The following MAP4K3 variants were observed in gnomAD, a reference collection of about 807,000 sequenced individuals.
MAP4K3 encodes mitogen-activated protein kinase kinase kinase kinase 3.
A neutral mutation model predicts 143.5 loss-of-function variants in MAP4K3; 94 were observed. The ratio of observed to expected loss-of-function variants is 0.65; its 90% CI spans 0.55 to 0.78. The LOEUF (loss-of-function observed/expected upper bound fraction) is 0.78. Among genes scored for constraint, MAP4K3 ranks in the 30% least tolerant of loss-of-function variants. The probability of loss-of-function intolerance (pLI) is 0.00; values close to 1 mark genes in which losing one functional copy is unlikely to be tolerated. For missense variants in MAP4K3, 1,077 were observed against 1,068.1 expected (o/e 1.01, Z -0.12); for synonymous variants, 416 against 347.2 (o/e 1.20, Z -2.20).
rs1435758124 is a variant in MAP4K3, at chr2:39,249,753, C to A, written c.*865G>T. On this transcript the variant is annotated 3_prime_UTR_variant, in exon 34 of 34. Coordinates refer to ENST00000263881, the MANE Select transcript of MAP4K3 (RefSeq NM_003618.4). ...GACTCTTTAATAATGCTAATTAATTCTTTGTGCATACTGTAATTCTGACCA... is the reference window on the plus strand; with the variant it reads ...GACTCTTTAATAATGCTAATTAATTATTTGTGCATACTGTAATTCTGACCA... 2 of 152,622 alleles carry A rather than the reference C, an allele frequency of 1.3e-5. No homozygotes were observed. The allele number at this position is 152,622 out of a possible 1,614,324, so 9.5% of individuals were successfully genotyped here. A position where few individuals can be genotyped will look rare whatever the true frequency, so the allele number is the denominator to read the frequency against.
chr2:39,340,284 G>C (rs1665102914), intron 4 of MAP4K3, among the ~76,000 whole-genome samples: 1 of 152,172 alleles, frequency 6.6e-6, no homozygotes, highest in Admixed American at 6.5e-5. Flanking sequence ...CAACACCATA[G>C]ACTAGCCAAA....
chr2:39,284,286 T>A (rs903215279), intron 21 of MAP4K3, among the ~76,000 whole-genome samples: 5 of 151,962 alleles, frequency 3.3e-5, no homozygotes, highest in Non-Finnish European at 4.4e-5. Context: ...CTCAGCCTCC[T>A]GAGTAGCTGA....
rs1470599966 is a variant in MAP4K3 at position 39,332,051 on chromosome 2, A to G, written c.458-62T>C. 5 of 907,694 alleles carry G rather than the reference A, an allele frequency of 5.5e-6. No homozygotes were observed. In the South Asian group the frequency reaches 1.0e-4, roughly 18 times the overall value. 56.2% of individuals were successfully genotyped at this position (907,694 alleles called of 1,614,324 possible). ...AGAAAATAAAATTGTTTAAGGCAACATAAAAAGAAACTTTTAAAAGTTATT... is the reference window on the plus strand; with the variant it reads ...AGAAAATAAAATTGTTTAAGGCAACGTAAAAAGAAACTTTTAAAAGTTATT... On this transcript the variant is annotated intron_variant, in intron 7 of 33. Transcript: ENST00000263881.
At chr2:39,280,805 C>A (rs1681485282) in intron 22 of MAP4K3, among the ~76,000 whole-genome samples, 1 of 152,086 alleles carries the variant, frequency 6.6e-6, no homozygotes, top group Non-Finnish European at 1.5e-5. Context: ...CAAACTGAAA[C>A]AGGTATGGCT....
intron 1 of MAP4K3, among the ~76,000 whole-genome samples, chr2:39,403,929 C>T (rs1667022099): frequency 6.6e-6 from 1 of 151,354 alleles, no homozygotes; most frequent in Non-Finnish European, 1.5e-5. Flanking sequence ...TCGTGAAGCA[C>T]CCATTCCAGG....
Position 39,385,798 on chromosome 2 carries a change from T to C in MAP4K3, c.97-7675A>G, listed in dbSNP as rs1026931929. 2.7e-5 allele frequency among the ~76,000 whole-genome samples: 4 copies of C among 150,694 alleles called. No individual in the cohort carries two copies. The South Asian group carries it at 8.4e-4, about 31-fold the overall frequency. On this transcript the variant is annotated intron_variant, in intron 1 of 33. Transcript: ENST00000263881. ...GCAACTGCCACCACACCCGGCTAATTTTTTTGTATTTTTAGTAGAGATGAG... is the reference window on the plus strand; with the variant it reads ...GCAACTGCCACCACACCCGGCTAATCTTTTTGTATTTTTAGTAGAGATGAG...
chr2:39,361,512 T>G (rs1665769908), intron 2 of MAP4K3, among the ~76,000 whole-genome samples: 2 of 151,896 alleles, frequency 1.3e-5, no homozygotes, highest in African/African-American at 4.8e-5. Context: ...TATATGACTG[T>G]GCTCTTGGAC....
At chr2:39,320,073 A>C (rs1025031244) in intron 12 of MAP4K3, among the ~76,000 whole-genome samples, 1 of 152,132 alleles carries the variant, frequency 6.6e-6, no homozygotes, top group African/African-American at 2.4e-5. Context: ...CTTCCCTAAC[A>C]AAAGTTGGCT....
intron 8 of MAP4K3, among the ~76,000 whole-genome samples, chr2:39,330,233 A>C (rs745470102): frequency 6.6e-6 from 1 of 152,160 alleles, no homozygotes; most frequent in Non-Finnish European, 1.5e-5. Flanking sequence ...ATAATTATGG[A>C]ATATCAAAAC....
chr2:39,337,357 T>C (rs1573168991), intron 5 of MAP4K3, among the ~76,000 whole-genome samples, 169 bp downstream of exon 5: 1 of 152,204 alleles, frequency 6.6e-6, no homozygotes, highest in Admixed American at 6.5e-5. Context: ...AAGTATTTAT[T>C]TGTAAATATA....
intron 2 of MAP4K3, among the ~76,000 whole-genome samples, chr2:39,361,381 A>G (rs1180641487): frequency 6.6e-6 from 1 of 152,110 alleles, no homozygotes; most frequent in Non-Finnish European, 1.5e-5. Context: ...CTAGCACATT[A>G]GACTCTTTCA....
rs1365235958 is a variant in MAP4K3, at chr2:39,258,350, A to G, written c.2468T>C (p.Ile823Thr). The G allele has an allele frequency of 6.3e-7, 1 of 1,586,228 alleles. No individual in the cohort carries two copies. Among genetic ancestry groups the G allele is most frequent in the Admixed American group, 1.7e-5 (1 of 58,244 alleles). ...AGAATTATAAAACTTTGACTTACCT[A>G]TTGATTCAATCTGGAAATCAAAGGT... The part of the protein sequence containing the change: ...ELTFDFQIES[I>T]VCLQDSVLAF... The change falls in exon 31 of 34, where the codon ATA becomes ACA. Residue 823 changes from isoleucine to threonine, a missense_variant and splice_region_variant. Ile to Thr is a moderately conservative substitution (Grantham distance 89). This residue lies in a region of MAP4K3 where 864 missense variants were observed against 801.2 expected (regional missense o/e 1.08). Transcript: ENST00000263881.
In MAP4K3 at chr2:39,249,840, T is replaced by G. The variant is rs1172941263; in HGVS notation, c.*778A>C. 1 of 152,566 alleles carries G rather than the reference T, an allele frequency of 6.6e-6. No individual in the cohort carries two copies. Among genetic ancestry groups the G allele is most frequent in the Non-Finnish European group, 1.5e-5 (1 of 68,012 alleles). The allele number at this position is 152,566 out of a possible 1,614,324, so 9.5% of individuals were successfully genotyped here. A position where few individuals can be genotyped will look rare whatever the true frequency, so the allele number is the denominator to read the frequency against. On this transcript the variant is annotated 3_prime_UTR_variant, in exon 34 of 34. Coordinates refer to ENST00000263881, the MANE Select transcript of MAP4K3 (RefSeq NM_003618.4). ...GATTCAAAAATGTTCAAAGGTATTG[T>G]TTTTAAGCAAAGACAAGCAATCTTA...
intron 4 of MAP4K3, among the ~76,000 whole-genome samples, chr2:39,343,055 T>C (rs888285612): frequency 1.3e-5 from 2 of 152,198 alleles, no homozygotes; most frequent in African/African-American, 4.8e-5. Context: ...CTTTGTATTA[T>C]CACTACTCAT....
chr2:39,261,694 G>T (rs183556602), intron 28 of MAP4K3, among the ~76,000 whole-genome samples: 1 of 151,810 alleles, frequency 6.6e-6, no homozygotes, highest in African/African-American at 2.4e-5. Flanking sequence ...ATAAAATTAC[G>T]GCACATTCAC....
At chr2:39,436,692 A>G in intron 1 of MAP4K3, 200 bp downstream of exon 1, 1 of 569,198 alleles carries the variant, frequency 1.8e-6, no homozygotes, top group Non-Finnish European at 3.1e-6. Context: ...GGCTCAGGTA[A>G]GGGCTGGGGA....
At position 39,249,960 on chromosome 2, in the gene MAP4K3, G is replaced by A. The variant is rs1352465944; in HGVS notation, c.*658C>T. On this transcript the variant is annotated 3_prime_UTR_variant, in exon 34 of 34. Transcript: ENST00000263881. ...CATAGAAAACAATCCAAATACATTT[G>A]TGGAGCCAAATGCTTATAGACAATG... The A allele has an allele frequency of 1.3e-5, 2 of 152,268 alleles. No homozygotes were observed. The highest frequency in any genetic ancestry group is 2.9e-5 in the Non-Finnish European group (2 of 68,000). The allele number at this position is 152,268 out of a possible 1,614,324, so 9.4% of individuals were successfully genotyped here.
At chr2:39,367,265 G>A (rs1187132173) in intron 2 of MAP4K3, among the ~76,000 whole-genome samples, 1 of 152,196 alleles carries the variant, frequency 6.6e-6, no homozygotes, top group Non-Finnish European at 1.5e-5. Context: ...AAAGAAGCCA[G>A]GCACAGTGGC....
intron 1 of MAP4K3, among the ~76,000 whole-genome samples, chr2:39,422,178 T>C (rs1667566754): frequency 6.6e-6 from 1 of 151,948 alleles, no homozygotes; most frequent in South Asian, 2.1e-4. Context: ...GAAAGCAGCA[T>C]GATCAAACTC....
Sources: gnomAD v4.1 joint callset for allele counts (sites outside exome capture counted in the v4.1 genomes callset) on GRCh38, gnomAD v4.1.1 for gene constraint, gnomAD v4.1.1 regional missense constraint, MANE v1.5 for transcripts, NCBI Gene and HGNC (gene_info 2026-07-23, HGNC 2026-07-21) for gene names.